SPAST: variants seen among roughly 807,000 people sequenced by gnomAD.
SPAST encodes spastic paraplegia 4 (autosomal dominant; spastin).
SPAST carries 30 observed loss-of-function variants against 76.6 expected under a neutral mutation model. The observed-to-expected ratio is 0.39, with a 90% CI of 0.29 to 0.53. The LOEUF (loss-of-function observed/expected upper bound fraction) is 0.53. Among genes scored for constraint, SPAST ranks in the 20% least tolerant of loss-of-function variants. SPAST has a pLI of 0.68. For synonymous variants in SPAST, 305 were observed against 281.0 expected (o/e 1.09, Z -0.86); for missense variants, 717 against 770.5 (o/e 0.93, Z 0.82).
chr2:32,089,199 A>C (rs1320701544), intron 2 of SPAST, among the ~76,000 whole-genome samples: 4 of 89,912 alleles, frequency 4.4e-5, no homozygotes, highest in Non-Finnish European at 2.3e-5. Context: ...TGCTCGGCTA[A>C]TTTTTTTTTT....
rs997510354 is a variant in SPAST, at chr2:32,125,423, A to T, written c.1099-1525A>T. The stretch of plus-strand genomic sequence containing the variant: ...GTTTTAGTAGAGACAGGGTTTCTCC[A>T]TGTTGGTCAGGCTGGTCTTGAACTC... On this transcript the variant is annotated intron_variant, in intron 7 of 16. Coordinates refer to ENST00000315285, the MANE Select transcript of SPAST (RefSeq NM_014946.4). Among the ~76,000 whole-genome samples the T allele has an allele frequency of 3.9e-5, 6 of 151,920 alleles. No individual in the cohort carries two copies. In the South Asian group the frequency reaches 1.0e-3, roughly 26 times the overall value.
At chr2:32,084,657 G>A (rs921140332) in intron 1 of SPAST, among the ~76,000 whole-genome samples, 1 of 151,280 alleles carries the variant, frequency 6.6e-6, no homozygotes, top group South Asian at 2.1e-4. Flanking sequence ...AGGCTGAGGC[G>A]GGCGGATCAC....
intron 9 of SPAST, among the ~76,000 whole-genome samples, chr2:32,135,274 C>T (rs1004918029): frequency 6.6e-5 from 10 of 151,516 alleles, no homozygotes; most frequent in Admixed American, 4.6e-4. Context: ...GGACTACAGG[C>T]GCCTGCCACC....
At chr2:32,109,586 CCTT>C (rs961952393) in intron 4 of SPAST, among the ~76,000 whole-genome samples, 1 of 150,936 alleles carries the variant, frequency 6.6e-6, no homozygotes, top group African/African-American at 2.4e-5. Context: ...TATAATGATT[CCTT>C]TTTTTTTTCT....
Position 32,089,655 on chromosome 2 carries a change from C to A in SPAST, c.586+50C>A. On this transcript the variant is annotated intron_variant, in intron 3 of 16. Transcript: ENST00000315285. ...GTGGGATGTATTGGAAATGTGTGTT[C>A]AATGAAACTTTAATTTGTAGAAAGA... The A allele has an allele frequency of 3.2e-6, 3 of 950,614 alleles. No homozygotes were observed. The South Asian group carries it at 3.9e-5, about 12-fold the overall frequency. 58.9% of individuals were successfully genotyped at this position (950,614 alleles called of 1,614,324 possible).
intron 1 of SPAST, among the ~76,000 whole-genome samples, chr2:32,067,015 A>G (rs1676548040): frequency 6.7e-6 from 1 of 148,294 alleles, no homozygotes; most frequent in Non-Finnish European, 1.5e-5. Flanking sequence ...AAACTGTTTT[A>G]ATTGTTTTAT....
Position 32,121,833 on chromosome 2 carries a change from C to T in SPAST, c.1099-5115C>T, listed in dbSNP as rs187676697. On this transcript the variant is annotated intron_variant, in intron 7 of 16. Coordinates refer to ENST00000315285, the MANE Select transcript of SPAST (RefSeq NM_014946.4). ...TGCTGGGATTACAGGCATGAGCCAC[C>T]GTGCCCAGCCCTATTCTGATTTCAT... Among the ~76,000 whole-genome samples, 18 of 152,224 alleles carry T rather than the reference C, an allele frequency of 1.2e-4. No homozygotes were observed. In the South Asian group the frequency reaches 1.2e-3, roughly 11 times the overall value.
intron 7 of SPAST, among the ~76,000 whole-genome samples, chr2:32,125,552 A>G (rs1281245020): frequency 6.6e-6 from 1 of 151,748 alleles, no homozygotes; most frequent in Non-Finnish European, 1.5e-5. Context: ...GATATTAGCC[A>G]TTTCATATGA....
At chr2:32,133,938 A>C (rs182294473) in intron 9 of SPAST, among the ~76,000 whole-genome samples, 70 of 152,332 alleles carry the variant, frequency 4.6e-4, no homozygotes, top group African/African-American at 1.7e-3. Flanking sequence ...AAATGTTCTC[A>C]ATATTCTAAA....
intron 3 of SPAST, among the ~76,000 whole-genome samples, chr2:32,094,903 A>T (rs938310560): frequency 1.3e-5 from 2 of 152,238 alleles, no homozygotes; most frequent in African/African-American, 4.8e-5. Flanking sequence ...CGGGAGGCGG[A>T]GGTTGCAGTG....
intron 5 of SPAST, among the ~76,000 whole-genome samples, 153 bp from the exon 6 acceptor site, chr2:32,115,549 T>TA (rs1678795386): frequency 3.3e-5 from 5 of 152,188 alleles, no homozygotes; most frequent in Admixed American, 2.6e-4. Context: ...GAATACAGTT[T>TA]TACCTTCAGG....
At position 32,114,703 on chromosome 2, in the gene SPAST, A is replaced by G. The variant is rs1318536893; in HGVS notation, c.748A>G (p.Lys250Glu). 1 of 1,614,062 alleles carries G rather than the reference A, an allele frequency of 6.2e-7. No homozygotes were observed. The highest frequency in any genetic ancestry group is 8.5e-7 in the Non-Finnish European group (1 of 1,180,008). Reference sequence around the variant, plus strand: ...CACTAGTAATTCACTGCCTCGTTCAAAAACAGTTATGAAAACTGGATCTGC... The same window carrying G: ...CACTAGTAATTCACTGCCTCGTTCAGAAACAGTTATGAAAACTGGATCTGC... ...THTSNSLPRS[K>E]TVMKTGSAGL... is the part of the protein sequence containing the mutation. The change falls in exon 5 of 17, where the codon AAA (lysine) becomes GAA (glutamate). Residue 250 changes from lysine (K) to glutamate (E), a missense_variant. Physicochemically the swap from Lys to Glu is moderately conservative, Grantham distance 56. Coordinates refer to ENST00000315285, the MANE Select transcript of SPAST (RefSeq NM_014946.4).
chr2:32,149,731 T>G (rs1297490779), intron 16 of SPAST, among the ~76,000 whole-genome samples: 1 of 152,190 alleles, frequency 6.6e-6, no homozygotes, highest in Admixed American at 6.5e-5. Flanking sequence ...TTATAAGTAA[T>G]CTAGAGATGA....
intron 16 of SPAST, 50 bp downstream of exon 16, chr2:32,147,308 T>C: frequency 9.1e-7 from 1 of 1,100,804 alleles, no homozygotes; most frequent in Non-Finnish European, 1.4e-6. Context: ...TTGTAAGACA[T>C]ATATAAGACA....
intron 1 of SPAST, among the ~76,000 whole-genome samples, chr2:32,083,553 T>TTTGTAC (rs1418684046): frequency 6.6e-6 from 1 of 150,610 alleles, no homozygotes; most frequent in Admixed American, 6.7e-5. Context: ...TGGATTTTAA[T>TTTGTAC]TTGTACTTCC....
chr2:32,124,300 G>A (rs940866947), intron 7 of SPAST, among the ~76,000 whole-genome samples: 13 of 152,078 alleles, frequency 8.5e-5, no homozygotes, highest in Admixed American at 6.6e-5. Context: ...GGGAAATTGC[G>A]CATTAAAACA....
intron 1 of SPAST, among the ~76,000 whole-genome samples, chr2:32,085,648 G>A (rs1362506637): frequency 1.3e-5 from 2 of 152,158 alleles, no homozygotes; most frequent in African/African-American, 4.8e-5. Flanking sequence ...AATATGGTTA[G>A]TTATTTTCAG....
At chr2:32,152,602 A>G (rs539956009) in intron 16 of SPAST, among the ~76,000 whole-genome samples, 1 of 152,270 alleles carries the variant, frequency 6.6e-6, no homozygotes, top group East Asian at 1.9e-4. Flanking sequence ...ATTTAGTAAT[A>G]TCATGTTTAA....
intron 7 of SPAST, among the ~76,000 whole-genome samples, chr2:32,121,490 A>G (rs1410280275): frequency 6.8e-6 from 1 of 148,014 alleles, no homozygotes. Context: ...GAAAGGTTCT[A>G]TAATTCTTTA....
Sources: gnomAD v4.1 joint callset for allele counts (sites outside exome capture counted in the v4.1 genomes callset) on GRCh38, gnomAD v4.1.1 for gene constraint, MANE v1.5 for transcripts, NCBI Gene and HGNC (gene_info 2026-07-23, HGNC 2026-07-21) for gene names.